The following SGCD variants were observed in gnomAD, a reference collection of about 807,000 sequenced individuals.
The protein encoded by SGCD is delta-sarcoglycan.
A neutral mutation model predicts 36.6 loss-of-function variants in SGCD; 18 were observed. The ratio of observed to expected loss-of-function variants is 0.49; its 90% confidence interval spans 0.34 to 0.73. The LOEUF is 0.73. SGCD is among the 30% of genes least tolerant of loss of function. SGCD has a pLI of 0.01. For missense variants in SGCD, 387 were observed against 346.7 expected, an observed-to-expected ratio of 1.12 and a Z score of -0.92; for synonymous variants, 133 against 130.6, an observed-to-expected ratio of 1.02 and a Z score of -0.12.
At chr5:155,804,856 C>G in the SGCD span, among the ~76,000 whole-genome samples, 2 of 152,140 alleles carry the variant, frequency 1.3e-5, no homozygotes, top group African/African-American at 4.8e-5. Flanking sequence ...TGATAAAACA[C>G]CATCTATGTA....
At chr5:156,611,018 G>A (rs910261466) in intron 6 of SGCD, among the ~76,000 whole-genome samples, 17 of 152,168 alleles carry the variant, frequency 1.1e-4, no homozygotes, top group African/African-American at 3.4e-4. Flanking sequence ...GCCCTGCTTC[G>A]GCTCATGCTC....
chr5:156,183,400 C>T (rs4704784), intron 3 of SGCD, among the ~76,000 whole-genome samples: 110,817 of 152,028 alleles, frequency 0.73, 41,328 homozygotes, highest in East Asian at 0.95. Flanking sequence ...ACAATAATAA[C>T]TATTATTACT....
intron 3 of SGCD, among the ~76,000 whole-genome samples, chr5:156,409,779 A>G (rs532582747): frequency 6.6e-6 from 1 of 152,356 alleles, no homozygotes; most frequent in Non-Finnish European, 1.5e-5. Flanking sequence ...TAAACAGCTG[A>G]CACATGGTAG....
chr5:156,609,318 G>C (rs542589284), intron 6 of SGCD, among the ~76,000 whole-genome samples: 3 of 152,048 alleles, frequency 2.0e-5, no homozygotes, highest in Non-Finnish European at 4.4e-5. Flanking sequence ...TAGTTTGGCT[G>C]GATATGAGAT....
chr5:156,744,491 T>C (rs575669878), intron 7 of SGCD, among the ~76,000 whole-genome samples: 8 of 152,150 alleles, frequency 5.3e-5, no homozygotes, highest in Non-Finnish European at 1.2e-4. Flanking sequence ...TGGTGGGAGA[T>C]TGTCGTGGGT....
chr5:156,377,669 G>A (rs961711369), intron 3 of SGCD, among the ~76,000 whole-genome samples: 1 of 151,934 alleles, frequency 6.6e-6, no homozygotes. Context: ...GTGTACTGGT[G>A]GGTTCCAGCA....
chr5:156,081,024 G>A (rs994227762), intron 1 of SGCD, among the ~76,000 whole-genome samples: 14 of 152,172 alleles, frequency 9.2e-5, no homozygotes, highest in Non-Finnish European at 1.9e-4. Context: ...CATTTATAAA[G>A]AAAATAGGTT....
intron 7 of SGCD, among the ~76,000 whole-genome samples, chr5:156,721,951 T>C (rs529849661): frequency 3.9e-4 from 59 of 152,324 alleles, no homozygotes; most frequent in African/African-American, 1.3e-3. Flanking sequence ...GTCTCCCAAT[T>C]GGAATCCCAA....
intron 6 of SGCD, among the ~76,000 whole-genome samples, chr5:156,628,632 C>T (rs1232645154): frequency 6.6e-6 from 1 of 152,204 alleles, no homozygotes; most frequent in Admixed American, 6.5e-5. Context: ...ATTTACATTT[C>T]AGCAGAAAGC....
the SGCD span, among the ~76,000 whole-genome samples, chr5:155,861,272 C>T: frequency 6.6e-6 from 1 of 152,032 alleles, no homozygotes; most frequent in East Asian, 1.9e-4. Flanking sequence ...CATTTTGGGG[C>T]CAAAGACCCC....
chr5:156,459,284 A>G (rs917865563), intron 3 of SGCD, among the ~76,000 whole-genome samples: 2 of 152,164 alleles, frequency 1.3e-5, no homozygotes, highest in Non-Finnish European at 2.9e-5. Context: ...TCAATGTTCA[A>G]TGTTCTAGAA....
intron 3 of SGCD, among the ~76,000 whole-genome samples, chr5:156,305,400 G>C (rs937516756): frequency 6.6e-6 from 1 of 152,204 alleles, no homozygotes; most frequent in East Asian, 1.9e-4. Context: ...AGCCTTGGCA[G>C]CTTTCATGTG....
chr5:156,499,125 T>A (rs767664640), intron 3 of SGCD, among the ~76,000 whole-genome samples: 7 of 152,086 alleles, frequency 4.6e-5, no homozygotes, highest in Non-Finnish European at 8.8e-5. Flanking sequence ...TGTTTTGGAG[T>A]TAGACTGCCA....
intron 1 of SGCD, among the ~76,000 whole-genome samples, chr5:155,980,202 T>C (rs1758197333): frequency 6.6e-6 from 1 of 152,116 alleles, no homozygotes; most frequent in Non-Finnish European, 1.5e-5. Context: ...AAAGCACTTG[T>C]TTATGGTATT....
chr5:156,091,437 C>T lies in SGCD; in HGVS notation c.-281-26441C>T, dbSNP rs1430692803. ...CCTGGTTAGGCCAGGTAGCTCAGCCCTCTGTGCAGCAGTACTGTCAGAGCA... is the reference window on the plus strand; with the variant it reads ...CCTGGTTAGGCCAGGTAGCTCAGCCTTCTGTGCAGCAGTACTGTCAGAGCA... On this transcript the variant is annotated intron_variant, in intron 1 of 9. Transcript: ENST00000517913. Among the ~76,000 whole-genome samples, 3 of 152,314 alleles carry T rather than the reference C, an allele frequency of 2.0e-5. No individual in the cohort carries two copies. In the East Asian group the frequency reaches 5.8e-4, roughly 29 times the overall value.
intron 7 of SGCD, among the ~76,000 whole-genome samples, chr5:156,687,331 A>T (rs2113697372): frequency 6.6e-6 from 1 of 152,316 alleles, no homozygotes; most frequent in Non-Finnish European, 1.5e-5. Context: ...AGCAGAATTA[A>T]AAAGACACAT....
At chr5:156,158,204 A>G (rs1391148563) in intron 3 of SGCD, among the ~76,000 whole-genome samples, 10 of 151,502 alleles carry the variant, frequency 6.6e-5, no homozygotes, top group Non-Finnish European at 1.2e-4. Flanking sequence ...CATCTATAGG[A>G]TAAGGGTTTC....
chr5:155,864,159 A>C, the SGCD span, among the ~76,000 whole-genome samples: 2 of 152,194 alleles, frequency 1.3e-5, no homozygotes, highest in African/African-American at 4.8e-5. Flanking sequence ...CAATGAAAAT[A>C]AGTACAAAAG....
chr5:156,393,605 T>C (rs1771696591), intron 3 of SGCD: 2 of 405,720 alleles, frequency 4.9e-6, no homozygotes, highest in Admixed American at 2.5e-5. Context: ...TAGAGTGAAG[T>C]CATGTTAATA....
Sources: allele counts gnomAD v4.1 joint callset (sites outside exome capture counted in the v4.1 genomes callset), GRCh38; gene constraint gnomAD v4.1.1; transcripts MANE v1.5; gene names NCBI Gene and HGNC (gene_info 2026-07-23, HGNC 2026-07-21).